Variants in ZNF585A observed in about 807,000 individuals in gnomAD.
ZNF585A encodes the protein zinc finger protein 585A.
ZNF585A carries 9 observed loss-of-function variants against 14.9 expected under a neutral mutation model. The observed-to-expected ratio is 0.60, with a 90% CI of 0.36 to 1.05. ZNF585A has a LOEUF of 1.05. Ranked by LOEUF, ZNF585A falls within the 50% of genes least tolerant of loss-of-function variation. ZNF585A has a pLI of 0.01. For missense variants in ZNF585A, 726 were observed against 926.4 expected (o/e 0.78, Z 2.81); for synonymous variants, 276 against 319.9 (o/e 0.86, Z 1.46).
At position 37,145,566 on chromosome 19, in the gene ZNF585A, C is replaced by T. The variant is rs1177482425; in HGVS notation, c.*6023G>A. 1.3e-5 allele frequency: 2 copies of T among 152,172 alleles called. No individual in the cohort carries two copies. Among genetic ancestry groups the T allele is most frequent in the Non-Finnish European group, 2.9e-5 (2 of 68,028 alleles). The allele number at this position is 152,172 out of a possible 1,614,324, so 9.4% of individuals were successfully genotyped here. On this transcript the variant is annotated 3_prime_UTR_variant, in exon 5 of 5. Transcript: ENST00000292841. ...TTTCAGGATTGGCATTTATTATAGG[C>T]ACAAACTTAATATAACTCAAATGAT...
intron 2 of ZNF585A, among the ~76,000 whole-genome samples, chr19:37,157,928 G>A (rs974523442): frequency 3.5e-5 from 5 of 144,564 alleles, no homozygotes; most frequent in Admixed American, 1.4e-4. Context: ...TCACTCTGTC[G>A]CCCAGGCTAG....
chr19:37,156,020 A>G, intron 3 of ZNF585A, 63 bp from the exon 4 acceptor site: 2 of 1,607,958 alleles, frequency 1.2e-6, no homozygotes, highest in Non-Finnish European at 1.7e-6. Context: ...CCAACCAATA[A>G]TCTCTTATTC....
chr19:37,148,416 ACACAC>A lies in ZNF585A; in HGVS notation c.*3168_*3172del. ...ACAAAACACACACACACACACACACACACACAAGGACTCCACTTATACAATATTAT... is the reference window on the plus strand; with the variant it reads ...ACAAAACACACACACACACACACACAAAGGACTCCACTTATACAATATTAT... On this transcript the variant is annotated 3_prime_UTR_variant, in exon 5 of 5. Coordinates refer to ENST00000292841, the MANE Select transcript of ZNF585A (RefSeq NM_001288800.2). 1 of 152,216 alleles carries A rather than the reference ACACAC, an allele frequency of 6.6e-6. No individual in the cohort carries two copies. Among genetic ancestry groups the A allele is most frequent in the Middle Eastern group, 3.4e-3 (1 of 294 alleles). 9.4% of individuals were successfully genotyped at this position (152,216 alleles called of 1,614,324 possible).
At chr19:37,171,923 T>C (rs1463036886) in intron 1 of ZNF585A, among the ~76,000 whole-genome samples, 1 of 149,222 alleles carries the variant, frequency 6.7e-6, no homozygotes, top group African/African-American at 2.5e-5. Flanking sequence ...AAAGTGCACA[T>C]AGTTATTCCT....
rs1191946646 is a variant in ZNF585A at position 37,147,128 on chromosome 19, G to A, written c.*4461C>T. The stretch of plus-strand genomic sequence containing the variant: ...CTCATGAGGCTGATGGTCCAGTGGG[G>A]AAGAGGGATGAGAAACCAAAAAAAG... On this transcript the variant is annotated 3_prime_UTR_variant, in exon 5 of 5. Coordinates refer to ENST00000292841, the MANE Select transcript of ZNF585A (RefSeq NM_001288800.2). 1 of 152,202 alleles carries A rather than the reference G, an allele frequency of 6.6e-6. No individual in the cohort carries two copies. Among genetic ancestry groups the A allele is most frequent in the Admixed American group, 6.5e-5 (1 of 15,284 alleles). The allele number at this position is 152,202 out of a possible 1,614,324, so 9.4% of individuals were successfully genotyped here.
chr19:37,163,999 A>G (rs1972049584), intron 2 of ZNF585A, among the ~76,000 whole-genome samples: 1 of 152,238 alleles, frequency 6.6e-6, no homozygotes, highest in African/African-American at 2.4e-5. Flanking sequence ...CTCCTCCTTA[A>G]TATTAGATAG....
intron 2 of ZNF585A, among the ~76,000 whole-genome samples, chr19:37,169,550 T>C (rs1972149379): frequency 6.6e-6 from 1 of 151,396 alleles, no homozygotes; most frequent in Non-Finnish European, 1.5e-5. Flanking sequence ...ACCAGGAAAA[T>C]CTATCCACAG....
rs1340080891 is a variant in ZNF585A at position 37,153,455 on chromosome 19, G to T, written c.444C>A (p.His148Gln). 4 of 1,614,008 alleles carry T rather than the reference G, an allele frequency of 2.5e-6. No homozygotes were observed. The South Asian group carries it at 3.3e-5, about 13-fold the overall frequency. ...GCTTTTCTCCTGCAAGAACTTTCAG[G>T]TGTACTTTGAGCTGTGACTTCTGGG... is the stretch of plus-strand genomic sequence containing the variant. ...IFTQKSQLKV[H>Q]LKVLAGEKLY... Residue 148 changes from histidine (H) to glutamine (Q), a missense_variant, in exon 5 of 5, where the codon CAC (histidine) becomes CAA (glutamine). Coordinates refer to ENST00000292841, the MANE Select transcript of ZNF585A (RefSeq NM_001288800.2).
chr19:37,165,175 T>C (rs1011152577), intron 2 of ZNF585A, among the ~76,000 whole-genome samples: 4 of 152,024 alleles, frequency 2.6e-5, no homozygotes, highest in African/African-American at 9.7e-5. Context: ...CTGGCCAACA[T>C]GGTGAAACCC....
Position 37,146,950 on chromosome 19 carries a change from T to G in ZNF585A, c.*4639A>C, listed in dbSNP as rs979241056. 1.4e-4 allele frequency: 5 copies of G among 36,892 alleles called. No homozygotes were observed. Among genetic ancestry groups the G allele is most frequent in the African/African-American group, 9.4e-4 (5 of 5,336 alleles). 2.3% of individuals were successfully genotyped at this position (36,892 alleles called of 1,614,324 possible). ...CCCACCCCACCAACTTCCCCACACA[T>G]GTTACCAATCTGTGCGGGGCATCTG... On this transcript the variant is annotated 3_prime_UTR_variant, in exon 5 of 5. Coordinates refer to ENST00000292841, the MANE Select transcript of ZNF585A (RefSeq NM_001288800.2).
chr19:37,158,437 T>C (rs1971964500), intron 2 of ZNF585A, among the ~76,000 whole-genome samples: 1 of 152,224 alleles, frequency 6.6e-6, no homozygotes, highest in Non-Finnish European at 1.5e-5. Flanking sequence ...ACACTACTTA[T>C]GAAGTATTCT....
intron 2 of ZNF585A, among the ~76,000 whole-genome samples, chr19:37,167,841 A>G (rs1396222256): frequency 6.6e-6 from 1 of 152,104 alleles, no homozygotes; most frequent in Non-Finnish European, 1.5e-5. Context: ...CATGTTAGCC[A>G]GGCTGGTCTC....
chr19:37,155,235 G>T (rs543813020), intron 4 of ZNF585A, among the ~76,000 whole-genome samples: 3 of 151,964 alleles, frequency 2.0e-5, no homozygotes, highest in South Asian at 2.1e-4. Flanking sequence ...TGATCTGCCC[G>T]CCTCGGCCTC....
rs1382948767 is a variant in ZNF585A at position 37,150,124 on chromosome 19, G to A, written c.*1465C>T. On this transcript the variant is annotated 3_prime_UTR_variant, in exon 5 of 5. Coordinates refer to ENST00000292841, the MANE Select transcript of ZNF585A (RefSeq NM_001288800.2). ...TTTAACTGGGGTCCTAGAAAGAAGG[G>A]GACAGAAGAGGCTCCAAAATACAGT... The A allele has an allele frequency of 6.6e-6, 1 of 151,696 alleles. No individual in the cohort carries two copies. Among genetic ancestry groups the A allele is most frequent in the Non-Finnish European group, 1.5e-5 (1 of 67,954 alleles). 9.4% of individuals were successfully genotyped at this position (151,696 alleles called of 1,614,324 possible).
intron 2 of ZNF585A, among the ~76,000 whole-genome samples, chr19:37,166,006 T>C (rs1005307456): frequency 6.6e-6 from 1 of 152,202 alleles, no homozygotes; most frequent in Non-Finnish European, 1.5e-5. Flanking sequence ...TAACTGTTTC[T>C]CCTGTTTTGT....
rs1972157007 is a variant in ZNF585A, at chr19:37,170,037, C to A, written c.-127G>T. The A allele has an allele frequency of 1.0e-6, 1 of 989,238 alleles. No homozygotes were observed. The allele number at this position is 989,238 out of a possible 1,614,324, so 61.3% of individuals were successfully genotyped here. On this transcript the variant is annotated 5_prime_UTR_variant, in exon 2 of 5. Coordinates refer to ENST00000292841, the MANE Select transcript of ZNF585A (RefSeq NM_001288800.2). ...GAGGAAAATCTGGCCCAGGGGCTCC[C>A]CAGAGACACCCAGAAACCTGGAAAG...
At chr19:37,165,568 G>T (rs376659378) in intron 2 of ZNF585A, 1 of 406,032 alleles carries the variant, frequency 2.5e-6, no homozygotes, top group Non-Finnish European at 3.2e-6. Context: ...CATAGCAGTT[G>T]TTTCACTAAT....
intron 2 of ZNF585A, among the ~76,000 whole-genome samples, chr19:37,160,842 T>TA (rs1361146201): frequency 6.6e-6 from 1 of 152,170 alleles, no homozygotes; most frequent in Non-Finnish European, 1.5e-5. Context: ...TAGATAGTTC[T>TA]ACCAGAGAAT....
chr19:37,163,140 T>C (rs186912303), intron 2 of ZNF585A, among the ~76,000 whole-genome samples: 64 of 152,168 alleles, frequency 4.2e-4, no homozygotes, highest in Admixed American at 1.2e-3. Context: ...CATGTTAGGC[T>C]AGAATGGAGT....
Sources: gnomAD v4.1 joint callset for allele counts (sites outside exome capture counted in the v4.1 genomes callset) on GRCh38, gnomAD v4.1.1 for gene constraint, MANE v1.5 for transcripts, NCBI Gene and HGNC (gene_info 2026-07-23, HGNC 2026-07-21) for gene names.